Variants in FAM20A observed in about 807,000 individuals in gnomAD.
FAM20A encodes FAM20A golgi associated secretory pathway pseudokinase, also known as pseudokinase FAM20A.
In FAM20A, 42 loss-of-function variants were observed where a neutral mutation model predicts 52.0. That is an observed-to-expected ratio of 0.81 (90% CI 0.63 to 1.04). The LOEUF (loss-of-function observed/expected upper bound fraction) is 1.04, where lower values mean the gene tolerates loss of function less well. Among genes scored for constraint, FAM20A ranks in the 50% least tolerant of loss-of-function variants. The probability of loss-of-function intolerance (pLI) is 0.00; values close to 1 mark genes in which losing one functional copy is unlikely to be tolerated. For synonymous variants in FAM20A, 304 were observed against 298.9 expected (o/e 1.02, Z -0.18); for missense variants, 742 against 712.7 (o/e 1.04, Z -0.47).
intron 1 of FAM20A, among the ~76,000 whole-genome samples, chr17:68,568,178 TAAAAG>T (rs1262072420): frequency 6.6e-6 from 1 of 151,828 alleles, no homozygotes; most frequent in Non-Finnish European, 1.5e-5. Context: ...TCATTTAAAA[TAAAAG>T]AAACGGCTGG....
At position 68,600,587 on chromosome 17, in the gene FAM20A, A is replaced by C; in HGVS notation, c.80T>G (p.Leu27Arg). Residue 27 changes from leucine to arginine, a missense_variant, in exon 1 of 11, where the codon CTC becomes CGC. Leu to Arg is a moderately radical substitution (Grantham distance 102). Coordinates refer to ENST00000592554, the MANE Select transcript of FAM20A (RefSeq NM_017565.4). This position sits in a 1 kb window ranked among gnomAD's most constrained non-coding sequence, Gnocchi z 6.2. ...CAGCTGGCGCTGTACTTGGGGCCAG[A>C]GGTGGAAGTAGAGGTCGGCGGAGAG... ...ALLSADLYFH[L>R]WPQVQRQLRP... 6.4e-7 allele frequency: 1 copy of C among 1,562,554 alleles called. No individual in the cohort carries two copies. The highest frequency in any genetic ancestry group is 2.4e-5 in the East Asian group (1 of 42,470).
At position 68,542,097 on chromosome 17, in the gene FAM20A, G is replaced by C. The variant is rs775589093; in HGVS notation, c.997C>G (p.Pro333Ala). Residue 333 changes from proline (P) to alanine (A), a missense_variant, in exon 7 of 11, where the codon CCA (proline) becomes GCA (alanine). Transcript: ENST00000592554. ...GAGAGGGAACCCTCCAGCAGGTGTG[G>C]GTTGCCACAGACAGCATACTCCGTC... is the stretch of plus-strand genomic sequence containing the variant. ...CKTEYAVCGN[P>A]HLLEGSLSAF... 1.3e-5 allele frequency: 21 copies of C among 1,613,940 alleles called. No homozygotes were observed. The highest frequency in any genetic ancestry group is 1.7e-5 in the Admixed American group (1 of 60,012).
intron 1 of FAM20A, among the ~76,000 whole-genome samples, chr17:68,581,526 CTCTT>C (rs775958480): frequency 2.8e-5 from 3 of 107,882 alleles, no homozygotes; most frequent in East Asian, 2.6e-4. Context: ...TCCTTTCTTT[CTCTT>C]TCTTTCTTTT....
At chr17:68,588,290 A>G (rs4968901) in intron 1 of FAM20A, among the ~76,000 whole-genome samples, 4,545 of 152,292 alleles carry the variant, frequency 0.03, 131 homozygotes, top group South Asian at 0.15. Context: ...TCACTTCTTT[A>G]AGGAAGGAAA....
chr17:68,554,981 C>CT (rs1394707880), intron 2 of FAM20A, among the ~76,000 whole-genome samples, 154 bp from the exon 3 acceptor site: 1 of 152,128 alleles, frequency 6.6e-6, no homozygotes, highest in Non-Finnish European at 1.5e-5. Flanking sequence ...CTCTTGGAGC[C>CT]CAGGAGACTG....
intron 1 of FAM20A, among the ~76,000 whole-genome samples, chr17:68,580,721 CAGTGTGA>C (rs1160547905): frequency 6.6e-6 from 1 of 152,226 alleles, no homozygotes; most frequent in Non-Finnish European, 1.5e-5. Flanking sequence ...AATGGGCCTA[CAGTGTGA>C]ATGAGGAAAA....
intron 4 of FAM20A, among the ~76,000 whole-genome samples, chr17:68,547,897 A>G (rs1568731912): frequency 6.6e-6 from 1 of 152,038 alleles, no homozygotes; most frequent in African/African-American, 2.4e-5. Context: ...TTGGCTTTCA[A>G]CGTGCCTTCC....
chr17:68,569,765 AC>A (rs2087486463), intron 1 of FAM20A, among the ~76,000 whole-genome samples: 1 of 152,124 alleles, frequency 6.6e-6, no homozygotes, highest in African/African-American at 2.4e-5. Flanking sequence ...TGATCTATCC[AC>A]CATGGGTGCT....
chr17:68,558,719 T>G (rs1200443207), intron 1 of FAM20A, among the ~76,000 whole-genome samples: 1 of 152,144 alleles, frequency 6.6e-6, no homozygotes, highest in Non-Finnish European at 1.5e-5. Context: ...GTATTTCTTT[T>G]TTCCTTCCCT....
In FAM20A at chr17:68,600,157, G is replaced by A. The variant is rs2088572581; in HGVS notation, c.404+106C>T. On this transcript the variant is annotated intron_variant, in intron 1 of 10. Transcript: ENST00000592554. This position sits in a 1 kb window ranked among gnomAD's most constrained non-coding sequence, Gnocchi z 6.2. ...AGCGCCAGGGCTGGAGCCGTGGGTGGAGCCGCTGCAGCCCTGGGCCGGGGG... is the reference window on the plus strand; with the variant it reads ...AGCGCCAGGGCTGGAGCCGTGGGTGAAGCCGCTGCAGCCCTGGGCCGGGGG... 3.8e-6 allele frequency: 5 copies of A among 1,328,796 alleles called. No homozygotes were observed. The highest frequency in any genetic ancestry group is 2.5e-5 in the East Asian group (1 of 39,598). The allele number at this position is 1,328,796 out of a possible 1,614,324, so 82.3% of individuals were successfully genotyped here. A position where few individuals can be genotyped will look rare whatever the true frequency, so the allele number is the denominator to read the frequency against.
intron 1 of FAM20A, among the ~76,000 whole-genome samples, chr17:68,570,730 A>G (rs2087513946): frequency 6.6e-6 from 1 of 152,204 alleles, no homozygotes; most frequent in African/African-American, 2.4e-5. Flanking sequence ...GCATCTGGCC[A>G]CACATTCTCC....
intron 1 of FAM20A, among the ~76,000 whole-genome samples, chr17:68,571,180 A>G (rs2087525158): frequency 6.6e-6 from 1 of 152,246 alleles, no homozygotes; most frequent in Admixed American, 6.5e-5. Context: ...TCATTGTGCT[A>G]TACCATCAGA....
chr17:68,539,956 GTC>G lies in FAM20A; in HGVS notation c.1228_1229del (p.Asp410ProfsTer5), dbSNP rs1401308919. On this transcript the variant is annotated frameshift_variant, in exon 9 of 11. Transcript: ENST00000592554. LOFTEE classifies it high-confidence loss of function. ...TGGTGAACATCTCATAATGGTGCCG[GTC>G]CATATTCCCTGTGAAGGAGGGGAGG... ...AIFDFLIGNMDRHHYEMFTKF... is the reference protein window; with the variant it reads ...AIFDFLIGNMXRHHYEMFTKF... The G allele has an allele frequency of 8.1e-6, 13 of 1,613,992 alleles. No individual in the cohort carries two copies. Among genetic ancestry groups the G allele is most frequent in the Non-Finnish European group, 1.1e-5 (13 of 1,180,012 alleles).
chr17:68,588,891 C>T (rs138724761), intron 1 of FAM20A, among the ~76,000 whole-genome samples: 26 of 152,312 alleles, frequency 1.7e-4, no homozygotes, highest in East Asian at 3.9e-4. Context: ...ACATATGGCA[C>T]GGGGTCTTAC....
chr17:68,596,810 A>G (rs1015416979), intron 1 of FAM20A, among the ~76,000 whole-genome samples: 2 of 152,174 alleles, frequency 1.3e-5, no homozygotes, highest in Non-Finnish European at 1.5e-5. Flanking sequence ...CCTGACAGAA[A>G]CACTTTCCCT....
intron 1 of FAM20A, among the ~76,000 whole-genome samples, chr17:68,569,271 A>T (rs1458091936): frequency 6.6e-6 from 1 of 151,986 alleles, no homozygotes; most frequent in Non-Finnish European, 1.5e-5. Flanking sequence ...AATTGTGTAG[A>T]TGTTACCTCC....
At chr17:68,597,845 G>A (rs1324789147) in intron 1 of FAM20A, among the ~76,000 whole-genome samples, 2 of 151,852 alleles carry the variant, frequency 1.3e-5, no homozygotes, top group South Asian at 2.1e-4. Context: ...GGGTGTCCTC[G>A]ACCCTGCACA....
intron 4 of FAM20A, among the ~76,000 whole-genome samples, chr17:68,546,064 G>A (rs1159743480): frequency 6.6e-6 from 1 of 151,278 alleles, no homozygotes; most frequent in Non-Finnish European, 1.5e-5. Context: ...AGCTACTTGG[G>A]AGGCTGAGGC....
rs1387525116 is a variant in FAM20A at position 68,552,977 on chromosome 17, G to A, written c.641-1026C>T. Among the ~76,000 whole-genome samples the A allele has an allele frequency of 7.5e-5, 8 of 106,992 alleles. 1 individual carries two copies. The highest frequency in any genetic ancestry group is 1.5e-4 in the Non-Finnish European group (7 of 46,498). The allele number at this position is 106,992 out of a possible 152,430, so 70.2% of individuals were successfully genotyped here. A position where few individuals can be genotyped will look rare whatever the true frequency, so the allele number is the denominator to read the frequency against. ...ATTACAGGCGTGAGCCACCGTGCCC[G>A]GCCTAAACCTTTATTTTCAAACCTT... On this transcript the variant is annotated intron_variant, in intron 3 of 10. Transcript: ENST00000592554.
Sources: gnomAD v4.1 joint callset for allele counts (sites outside exome capture counted in the v4.1 genomes callset) on GRCh38, gnomAD v4.1.1 for gene constraint, Gnocchi (gnomAD v3.1) non-coding constraint, MANE v1.5 for transcripts, NCBI Gene and HGNC (gene_info 2026-07-23, HGNC 2026-07-21) for gene names.